Variants in CIT observed in about 807,000 individuals in gnomAD.
The protein encoded by CIT is citron Rho-interacting kinase.
A neutral mutation model predicts 272.7 loss-of-function variants in CIT; 79 were observed. The ratio of observed to expected loss-of-function variants is 0.29; its 90% CI spans 0.24 to 0.35. The LOEUF (loss-of-function observed/expected upper bound fraction) is 0.35. Ranked by LOEUF, CIT falls within the 10% of genes least tolerant of loss-of-function variation. CIT has a pLI of 1.00. For missense variants in CIT, 1,909 were observed against 2,618.3 expected (o/e 0.73, Z 5.91); for synonymous variants, 948 against 995.6 (o/e 0.95, Z 0.90).
intron 5 of CIT, among the ~76,000 whole-genome samples, chr12:119,842,980 C>T (rs1969511746): frequency 6.6e-6 from 1 of 152,156 alleles, no homozygotes; most frequent in African/African-American, 2.4e-5. Flanking sequence ...AGCACCCACT[C>T]ATAAAGGAGA....
Position 119,784,214 on chromosome 12 carries a change from C to A in CIT, c.1402-163G>T. 6.2e-7 allele frequency: 1 copy of A among 1,601,838 alleles called. No homozygotes were observed. Among genetic ancestry groups the A allele is most frequent in the South Asian group, 1.1e-5 (1 of 90,150 alleles). The stretch of plus-strand genomic sequence containing the variant: ...CATTGTTTCTTCGCCCAGGAGCGCA[C>A]AGTTCTTCGTTAAGGACAGTCACCA... On this transcript the variant is annotated intron_variant, in intron 11 of 47. Coordinates refer to ENST00000392521, the MANE Select transcript of CIT (RefSeq NM_001206999.2). The surrounding 1 kb of genome is among the most constrained non-coding windows in gnomAD (Gnocchi z 4.7).
At chr12:119,774,790 T>G (rs550914076) in intron 16 of CIT, among the ~76,000 whole-genome samples, 122 of 151,736 alleles carry the variant, frequency 8.0e-4, no homozygotes, top group African/African-American at 2.7e-3. Flanking sequence ...CTGGGCAACA[T>G]GGCAAAATCC....
At chr12:119,802,679 G>C (rs2137872829) in intron 10 of CIT, among the ~76,000 whole-genome samples, 1 of 152,316 alleles carries the variant, frequency 6.6e-6, no homozygotes. Context: ...TTGGAGAGGA[G>C]CCGAGCACCA....
At chr12:119,833,998 A>T in intron 6 of CIT, 88 bp downstream of exon 6, 1 of 1,337,784 alleles carries the variant, frequency 7.5e-7, no homozygotes, top group East Asian at 2.4e-5. Context: ...TTGATCTTGA[A>T]ATCACTCATC....
At chr12:119,853,400 T>C (rs1360908936) in intron 4 of CIT, among the ~76,000 whole-genome samples, 2 of 152,160 alleles carry the variant, frequency 1.3e-5, no homozygotes, top group African/African-American at 4.8e-5. Context: ...AGGTTATTGT[T>C]AGAACAAGTT....
chr12:119,829,231 G>C (rs561151806), intron 7 of CIT, among the ~76,000 whole-genome samples: 1 of 152,000 alleles, frequency 6.6e-6, no homozygotes, highest in Non-Finnish European at 1.5e-5. Context: ...CCAGCTACTC[G>C]GGGAGCTGAG....
Position 119,700,581 on chromosome 12 carries a change from C to T in CIT, c.5623+164G>A, listed in dbSNP as rs990544220. On this transcript the variant is annotated intron_variant, in intron 44 of 47. Transcript: ENST00000392521. ...TATTTTTAGTAGAAATGGGGTTTCG[C>T]CATGTTGGTCAGGCTGGGCTCAAAC... is the stretch of plus-strand genomic sequence containing the variant. 2.3e-5 allele frequency: 14 copies of T among 610,484 alleles called. No homozygotes were observed. In the East Asian group the frequency reaches 3.9e-4, roughly 17 times the overall value. The allele number at this position is 610,484 out of a possible 1,614,324, so 37.8% of individuals were successfully genotyped here.
intron 13 of CIT, among the ~76,000 whole-genome samples, chr12:119,779,589 T>G (rs914495632): frequency 6.6e-6 from 1 of 152,190 alleles, no homozygotes; most frequent in Non-Finnish European, 1.5e-5. Context: ...ACACCAAATC[T>G]TGAGCATCTT....
chr12:119,834,741 T>C (rs1419621652), intron 5 of CIT, among the ~76,000 whole-genome samples: 1 of 152,234 alleles, frequency 6.6e-6, no homozygotes. Context: ...GACCTAGTAA[T>C]TCCACTTCTA....
chr12:119,760,444 T>C (rs1054514906), intron 20 of CIT, among the ~76,000 whole-genome samples: 3 of 151,912 alleles, frequency 2.0e-5, no homozygotes, highest in Non-Finnish European at 4.4e-5. Context: ...CTGGGCAACA[T>C]AGCAAGATCT....
intron 3 of CIT, among the ~76,000 whole-genome samples, chr12:119,864,503 C>G (rs1036425564): frequency 2.6e-5 from 4 of 152,104 alleles, no homozygotes; most frequent in African/African-American, 9.7e-5. Context: ...GCCCCAGCTA[C>G]TTTTTGTATT....
At chr12:119,708,339 C>G in intron 39 of CIT, 21 bp from the exon 40 acceptor site, 2 of 1,551,936 alleles carry the variant, frequency 1.3e-6, no homozygotes, top group South Asian at 1.2e-5. Flanking sequence ...AAAGGAACAA[C>G]CTCTCGTCAG....
At chr12:119,847,912 A>T (rs755368740) in intron 5 of CIT, among the ~76,000 whole-genome samples, 2 of 152,078 alleles carry the variant, frequency 1.3e-5, no homozygotes, top group Non-Finnish European at 2.9e-5. Context: ...TCTCAAAAAT[A>T]AAAAAAATTA....
intron 46 of CIT, among the ~76,000 whole-genome samples, chr12:119,691,720 A>G (rs368034039): frequency 3.9e-5 from 6 of 152,352 alleles, no homozygotes; most frequent in Non-Finnish European, 8.8e-5. Context: ...CAGCAGACCC[A>G]GGGGCCAAAC....
At chr12:119,774,516 T>C (rs895092670) in intron 16 of CIT, among the ~76,000 whole-genome samples, 3 of 151,870 alleles carry the variant, frequency 2.0e-5, no homozygotes, top group South Asian at 4.2e-4. Flanking sequence ...TGTGAGGTGA[T>C]AGATCTGTTA....
intron 4 of CIT, among the ~76,000 whole-genome samples, chr12:119,853,043 T>G (rs188509551): frequency 9.2e-5 from 14 of 152,180 alleles, no homozygotes; most frequent in African/African-American, 2.6e-4. Flanking sequence ...ACATGGTACT[T>G]GCAACTTTTC....
chr12:119,873,266 TTC>T (rs1032588153), intron 2 of CIT, among the ~76,000 whole-genome samples: 10 of 148,066 alleles, frequency 6.8e-5, no homozygotes, highest in African/African-American at 2.6e-4. Context: ...TTTTTTCCTT[TTC>T]TTTTTTTTTT....
intron 9 of CIT, among the ~76,000 whole-genome samples, chr12:119,819,387 G>C (rs1238233653): frequency 6.6e-6 from 1 of 152,176 alleles, no homozygotes; most frequent in Non-Finnish European, 1.5e-5. Flanking sequence ...CCTGACCTCA[G>C]TGTCAAAGCA....
In CIT at chr12:119,712,113, T is replaced by C; in HGVS notation, c.4854+65A>G. On this transcript the variant is annotated intron_variant, in intron 37 of 47. Coordinates refer to ENST00000392521, the MANE Select transcript of CIT (RefSeq NM_001206999.2). This position sits in a 1 kb window ranked among gnomAD's most constrained non-coding sequence, Gnocchi z 5.2. ...AAATGGCCAATGGGATTCTCGTCGT[T>C]AACACCAGTTACCAAGTCAGCCCCC... is the stretch of plus-strand genomic sequence containing the variant. The C allele has an allele frequency of 6.8e-7, 1 of 1,477,840 alleles. No homozygotes were observed. The highest frequency in any genetic ancestry group is 9.1e-7 in the Non-Finnish European group (1 of 1,095,376). The allele number at this position is 1,477,840 out of a possible 1,614,324, so 91.5% of individuals were successfully genotyped here.
Sources: allele counts gnomAD v4.1 joint callset (sites outside exome capture counted in the v4.1 genomes callset), GRCh38; gene constraint gnomAD v4.1.1; non-coding constraint Gnocchi (gnomAD v3.1); transcripts MANE v1.5; gene names NCBI Gene and HGNC (gene_info 2026-07-23, HGNC 2026-07-21).